BRWD1: variants seen among roughly 807,000 people sequenced by gnomAD.
BRWD1 encodes bromodomain and WD repeat-containing protein 1.
BRWD1 carries 82 observed loss-of-function variants against 251.2 expected under a neutral mutation model. The observed-to-expected ratio is 0.33, with a 90% confidence interval of 0.27 to 0.39. The LOEUF (loss-of-function observed/expected upper bound fraction) is 0.39. Ranked by LOEUF, BRWD1 falls within the 10% of genes least tolerant of loss-of-function variation. The probability of loss-of-function intolerance (pLI) is 1.00; values close to 1 mark genes in which losing one functional copy is unlikely to be tolerated. For synonymous variants in BRWD1, 918 were observed against 902.8 expected, an observed-to-expected ratio of 1.02 and a Z score of -0.30; for missense variants, 2,233 against 2,711.6, an observed-to-expected ratio of 0.82 and a Z score of 3.92.
At chr21:39,231,700 C>G (rs530012029) in intron 25 of BRWD1, among the ~76,000 whole-genome samples, 1 of 152,312 alleles carries the variant, frequency 6.6e-6, no homozygotes, top group Admixed American at 6.5e-5. Context: ...AAACCAACAT[C>G]TTTGCCACTT....
intron 21 of BRWD1, among the ~76,000 whole-genome samples, chr21:39,239,917 T>C (rs2033932207): frequency 6.6e-6 from 1 of 152,170 alleles, no homozygotes; most frequent in Non-Finnish European, 1.5e-5. Flanking sequence ...TGAAAAATTA[T>C]GTCCGCACAA....
intron 8 of BRWD1, among the ~76,000 whole-genome samples, chr21:39,282,214 GC>G (rs1651508436): frequency 6.6e-6 from 1 of 152,112 alleles, no homozygotes; most frequent in African/African-American, 2.4e-5. Flanking sequence ...CTGCATTTCA[GC>G]CTGGGCAACA....
At chr21:39,207,078 G>A (rs1471506725) in intron 36 of BRWD1, among the ~76,000 whole-genome samples, 1 of 152,140 alleles carries the variant, frequency 6.6e-6, no homozygotes, top group Non-Finnish European at 1.5e-5. Flanking sequence ...ACAAATGAAT[G>A]TGAAATTTGT....
chr21:39,243,289 G>A (rs2034064684), intron 21 of BRWD1, among the ~76,000 whole-genome samples: 1 of 152,032 alleles, frequency 6.6e-6, no homozygotes, highest in Admixed American at 6.6e-5. Context: ...CAAAAATCAA[G>A]GAACTAGACT....
intron 21 of BRWD1, among the ~76,000 whole-genome samples, chr21:39,247,288 A>G (rs983979133): frequency 6.6e-6 from 1 of 152,206 alleles, no homozygotes; most frequent in Non-Finnish European, 1.5e-5. Context: ...TACAGGTTAT[A>G]TACCCCTTAT....
chr21:39,191,536 C>A lies in BRWD1; in HGVS notation c.*4723G>T, dbSNP rs1402560068. The A allele has an allele frequency of 1.0e-6, 1 of 982,174 alleles. No individual in the cohort carries two copies. The highest frequency in any genetic ancestry group is 1.2e-6 in the Non-Finnish European group (1 of 827,188). The allele number at this position is 982,174 out of a possible 1,614,324, so 60.8% of individuals were successfully genotyped here. A position where few individuals can be genotyped will look rare whatever the true frequency, so the allele number is the denominator to read the frequency against. ...TAACGATCTTATGTGAAGTGGAAAA[C>A]TAAAGATCTGCTTGACAGGCTCATG... On this transcript the variant is annotated 3_prime_UTR_variant, in exon 41 of 41. Transcript: ENST00000342449.
At chr21:39,309,682 G>C (rs145970723) in intron 4 of BRWD1, among the ~76,000 whole-genome samples, 7 of 151,820 alleles carry the variant, frequency 4.6e-5, no homozygotes, top group Non-Finnish European at 8.8e-5. Flanking sequence ...AAAATTAGCC[G>C]GGCGTGGTGG....
intron 18 of BRWD1, among the ~76,000 whole-genome samples, chr21:39,256,503 T>C (rs1424269211): frequency 6.6e-6 from 1 of 151,958 alleles, no homozygotes; most frequent in African/African-American, 2.4e-5. Context: ...GCTGGGCAGG[T>C]GGGTGATGAG....
intron 15 of BRWD1, among the ~76,000 whole-genome samples, 180 bp downstream of exon 15, chr21:39,269,719 G>A (rs377441331): frequency 1.3e-5 from 2 of 152,120 alleles, no homozygotes; most frequent in African/African-American, 4.8e-5. Flanking sequence ...CAGTCATACA[G>A]AGAATTTCAT....
intron 31 of BRWD1, chr21:39,216,764 A>T: frequency 2.6e-6 from 1 of 379,674 alleles, no homozygotes; most frequent in Non-Finnish European, 5.1e-6. Flanking sequence ...CCACCTGTTC[A>T]GACCATTGCT....
At chr21:39,211,428 A>G (rs891303400) in intron 34 of BRWD1, among the ~76,000 whole-genome samples, 2 of 152,352 alleles carry the variant, frequency 1.3e-5, no homozygotes, top group African/African-American at 2.4e-5. Flanking sequence ...AAAAGTTATT[A>G]TAAGAGGGAG....
chr21:39,207,304 G>A (rs144765233), intron 36 of BRWD1, among the ~76,000 whole-genome samples: 70 of 151,822 alleles, frequency 4.6e-4, no homozygotes, highest in African/African-American at 1.5e-3. Flanking sequence ...GCATGGTGGC[G>A]CAAGCCTGTA....
intron 37 of BRWD1, among the ~76,000 whole-genome samples, chr21:39,203,202 G>A (rs1303790428): frequency 6.6e-6 from 1 of 152,146 alleles, no homozygotes; most frequent in Non-Finnish European, 1.5e-5. Context: ...TGTAATCCCA[G>A]CACTTTAGGA....
At chr21:39,241,473 T>TAAAAAAAAAAA (rs61488970) in intron 21 of BRWD1, among the ~76,000 whole-genome samples, 1 of 44,920 alleles carries the variant, frequency 2.2e-5, no homozygotes, top group Non-Finnish European at 4.0e-5. Flanking sequence ...ATCTCCAAAG[T>TAAAAAAAAAAA]AAAAAAAAAA....
Position 39,195,851 on chromosome 21 carries a change from A to G in BRWD1, c.*408T>C, listed in dbSNP as rs1047427189. ...GAAGAATCTGTAAACATAGGTTGTG[A>G]AATTGTTGTAACTACTATAGAACAG... On this transcript the variant is annotated 3_prime_UTR_variant, in exon 41 of 41. Transcript: ENST00000342449. The G allele has an allele frequency of 3.0e-6, 3 of 989,086 alleles. No individual in the cohort carries two copies. The highest frequency in any genetic ancestry group is 6.1e-5 in the Admixed American group (1 of 16,392). The allele number at this position is 989,086 out of a possible 1,614,324, so 61.3% of individuals were successfully genotyped here. A position where few individuals can be genotyped will look rare whatever the true frequency, so the allele number is the denominator to read the frequency against.
intron 8 of BRWD1, among the ~76,000 whole-genome samples, chr21:39,292,473 G>T (rs9978953): frequency 0.93 from 141,061 of 152,188 alleles, 65,710 homozygotes; most frequent in African/African-American, 0.97. Flanking sequence ...TACATCCCAA[G>T]ATGATCAATT....
intron 4 of BRWD1, 157 bp downstream of exon 4, chr21:39,312,684 A>G: frequency 2.2e-6 from 1 of 456,318 alleles, no homozygotes; most frequent in East Asian, 4.4e-5. Context: ...CTCAAAAACA[A>G]AACAAAATCT....
intron 15 of BRWD1, 60 bp downstream of exon 15, chr21:39,269,838 TA>T: frequency 7.5e-7 from 1 of 1,336,796 alleles, no homozygotes; most frequent in Non-Finnish European, 9.8e-7. Context: ...CTAAGCCGCA[TA>T]ACCCAAATAC....
intron 13 of BRWD1, 27 bp from the exon 14 acceptor site, chr21:39,270,460 AC>A: frequency 1.3e-6 from 2 of 1,565,608 alleles, no homozygotes; most frequent in Non-Finnish European, 1.7e-6. Flanking sequence ...CAACATGTAA[AC>A]TTATTTAGAT....
Sources: gnomAD v4.1 joint callset for allele counts (sites outside exome capture counted in the v4.1 genomes callset) on GRCh38, gnomAD v4.1.1 for gene constraint, MANE v1.5 for transcripts, NCBI Gene and HGNC (gene_info 2026-07-23, HGNC 2026-07-21) for gene names.